The following TRPM5 variants were observed in gnomAD, a reference collection of about 807,000 sequenced individuals.
The protein encoded by TRPM5 is MLSN1 and TRP-related.
TRPM5 carries 121 observed loss-of-function variants against 124.9 expected under a neutral mutation model. The observed-to-expected ratio is 0.97, with a 90% CI of 0.84 to 1.13. TRPM5 has a LOEUF of 1.13. Among genes scored for constraint, TRPM5 ranks in the 50% most tolerant of loss-of-function variants. TRPM5 has a pLI of 0.00. For missense variants in TRPM5, 1,643 were observed against 1,589.1 expected, an observed-to-expected ratio of 1.03 and a Z score of -0.58; for synonymous variants, 781 against 700.5, an observed-to-expected ratio of 1.11 and a Z score of -1.81.
intron 11 of TRPM5, 35 bp downstream of exon 16, chr11:2,414,680 G>A (rs28588203): frequency 4.0e-6 from 6 of 1,509,080 alleles, no homozygotes; most frequent in South Asian, 1.2e-5. Context: ...ATCCTCCCCC[G>A]CGCGCGGGCC....
At chr11:2,420,298 C>G (rs750055651) in exon 4 of TRPM5, 1 of 1,612,486 alleles carries the variant, frequency 6.2e-7, no homozygotes, top group African/African-American at 1.3e-5. Flanking sequence ...CGCCCTTCCC[C>G]GGGGGGCCTG....
chr11:2,406,706 C>T lies in TRPM5; in HGVS notation c.3206G>A (p.Arg1069Gln), dbSNP rs770470349. Residue 1069 changes from arginine (R) to glutamine (Q), a missense_variant, in exon 21 of 24, where the codon CGG becomes CAG. Coordinates refer to ENST00000155858, the Ensembl canonical transcript of TRPM5. Reference sequence around the variant, plus strand: ...CACCTCCCCCTCGCTGTCCCTCCTCCGCTTCTCCATCTTGCTCAGGAAGTT... The same window carrying T: ...CACCTCCCCCTCGCTGTCCCTCCTCTGCTTCTCCATCTTGCTCAGGAAGTT... 6.8e-6 allele frequency: 11 copies of T among 1,613,486 alleles called. No individual in the cohort carries two copies. The highest frequency in any genetic ancestry group is 2.2e-5 in the East Asian group (1 of 44,884).
chr11:2,412,158 C>T, exon 16 of TRPM5: 1 of 1,613,522 alleles, frequency 6.2e-7, no homozygotes, highest in Non-Finnish European at 8.5e-7. Context: ...CCACGATGAA[C>T]AGGAAGATGG....
the TRPM5 span, among the ~76,000 whole-genome samples, chr11:2,440,522 GTCC>G: frequency 3.3e-5 from 5 of 152,030 alleles, no homozygotes; most frequent in Admixed American, 3.3e-4. This position sits in a 1 kb window ranked among gnomAD's most constrained non-coding sequence, Gnocchi z 5.2. Flanking sequence ...TGCATGCAGA[GTCC>G]TCCTCCAACA....
intron 8 of TRPM5, 63 bp downstream of exon 13, chr11:2,415,843 G>A (rs1845663319): frequency 8.2e-7 from 1 of 1,220,226 alleles, no homozygotes; most frequent in Non-Finnish European, 1.2e-6. Context: ...TGCAGGAGCA[G>A]GCAGCGTGGG....
At chr11:2,422,216 C>T in exon 2 of TRPM5, 4 of 1,612,518 alleles carry the variant, frequency 2.5e-6, no homozygotes, top group South Asian at 1.1e-5. Context: ...AAAGGCTGCT[C>T]CTCACCCACC....
chr11:2,404,977 C>T lies in TRPM5; in HGVS notation c.3458G>A (p.Trp1153Ter). 2.5e-6 allele frequency: 4 copies of T among 1,612,788 alleles called. No individual in the cohort carries two copies. The highest frequency in any genetic ancestry group is 1.7e-4 in the Middle Eastern group (1 of 5,892). Residue 1153 changes from tryptophan to a stop codon, truncating the protein, a stop_gained, in exon 24 of 24, where the codon TGG becomes TAG. Transcript: ENST00000155858. LOFTEE classifies it high-confidence loss of function. ...AGGCTGGCCAGCCCCGGGTTGTTCC[C>T]AGCCATCTAAACCACCTCTGTGGTC...
intron 18 of TRPM5, among the ~76,000 whole-genome samples, chr11:2,410,382 A>AT (rs1850421214): frequency 6.6e-6 from 1 of 152,146 alleles, no homozygotes; most frequent in Non-Finnish European, 1.5e-5. Context: ...ACGTTGTGCC[A>AT]TGACTGCCCC....
chr11:2,416,285 G>A (rs1845676101), intron 7 of TRPM5, among the ~76,000 whole-genome samples: 1 of 152,186 alleles, frequency 6.6e-6, no homozygotes, highest in Non-Finnish European at 1.5e-5. Flanking sequence ...CGGCTGCAAC[G>A]GGGGTACCCC....
chr11:2,414,882 C>T (rs769147348), intron 10 of TRPM5, 25 bp downstream of exon 15: 49 of 1,594,990 alleles, frequency 3.1e-5, no homozygotes, highest in Non-Finnish European at 3.9e-5. Context: ...CCTGCCCCCG[C>T]GCTGGGCCCG....
At chr11:2,414,009 G>GTC in intron 12 of TRPM5, 52 bp downstream of exon 17, 15 of 1,023,730 alleles carry the variant, frequency 1.5e-5, no homozygotes, top group South Asian at 9.2e-5. Context: ...GGCCCAGCTC[G>GTC]CCCGCCCACC....
At chr11:2,425,129 G>A (rs977958855), upstream of TRPM5, among the ~76,000 whole-genome samples, 1 of 152,148 alleles carries the variant, frequency 6.6e-6, no homozygotes, top group African/African-American at 2.4e-5. Context: ...GCCCCAGGTG[G>A]GGGCTGGAGG....
At chr11:2,409,319 G>A (rs1415912590) in intron 18 of TRPM5, among the ~76,000 whole-genome samples, 1 of 152,162 alleles carries the variant, frequency 6.6e-6, no homozygotes, top group Non-Finnish European at 1.5e-5. Flanking sequence ...AGCGGGCCGG[G>A]GCCAGCCTGG....
At chr11:2,434,217 G>T in the TRPM5 span, among the ~76,000 whole-genome samples, 4 of 151,968 alleles carry the variant, frequency 2.6e-5, no homozygotes, top group African/African-American at 9.7e-5. Context: ...ATGTGTGTCT[G>T]TGTGGACGCT....
chr11:2,404,726 C>A lies in TRPM5; in HGVS notation c.*211G>T. On this transcript the variant is annotated 3_prime_UTR_variant, in exon 24 of 24. Transcript: ENST00000155858. ...GTTGTGCCTGTCAGGGGAGACAGCC[C>A]CATGACACTGCTGTGCCTCCGGGGA... 9.0e-6 allele frequency: 5 copies of A among 557,270 alleles called. No individual in the cohort carries two copies. In the South Asian group the frequency reaches 1.1e-4, roughly 12 times the overall value. 34.5% of individuals were successfully genotyped at this position (557,270 alleles called of 1,614,324 possible).
At chr11:2,408,011 C>T (rs1442492552) in intron 18 of TRPM5, 99 bp from the exon 24 acceptor site, 3 of 1,463,064 alleles carry the variant, frequency 2.1e-6, no homozygotes, top group Non-Finnish European at 2.8e-6. Context: ...TGGTGTTGAA[C>T]CCAGGGGACG....
chr11:2,417,854 T>G (rs1244035386), intron 6 of TRPM5, 25 bp from the exon 12 acceptor site: 1 of 1,553,654 alleles, frequency 6.4e-7, no homozygotes, highest in Non-Finnish European at 8.7e-7. Context: ...AGAGCCCCCA[T>G]GGGGCCGCCT....
chr11:2,409,195 TC>T (rs1015026349), intron 18 of TRPM5, among the ~76,000 whole-genome samples: 14 of 152,008 alleles, frequency 9.2e-5, no homozygotes, highest in African/African-American at 3.4e-4. Flanking sequence ...GCGCCAGCCC[TC>T]CCCACGCTCC....
chr11:2,420,314 A>G, exon 4 of TRPM5: 2 of 1,612,674 alleles, frequency 1.2e-6, no homozygotes, highest in Non-Finnish European at 1.7e-6. Context: ...GCCTGGCTCC[A>G]CCAGGATGAA....
Sources: gnomAD v4.1 joint callset for allele counts (sites outside exome capture counted in the v4.1 genomes callset) on GRCh38, gnomAD v4.1.1 for gene constraint, Gnocchi (gnomAD v3.1) non-coding constraint, MANE v1.5 for transcripts, NCBI Gene and HGNC (gene_info 2026-07-23, HGNC 2026-07-21) for gene names.